LOC112694756: variants seen among roughly 807,000 people sequenced by gnomAD.
the LOC112694756 span, among the ~76,000 whole-genome samples, chr16:30,063,438 C>T: frequency 1.3e-5 from 2 of 152,242 alleles, no homozygotes; most frequent in Non-Finnish European, 1.5e-5. Flanking sequence ...AATTCTAGCA[C>T]GGGACCCAGG....
the LOC112694756 span, chr16:30,068,723 C>A: frequency 1.9e-6 from 3 of 1,614,236 alleles, no homozygotes; most frequent in Admixed American, 5.0e-5. Context: ...TGATTCTCTG[C>A]CCTACGAACC....
the LOC112694756 span, chr16:30,069,647 G>A: frequency 9.9e-6 from 16 of 1,613,554 alleles, no homozygotes; most frequent in African/African-American, 4.0e-5. Context: ...ACAGCGCTGC[G>A]CCGCACAGTG....
chr16:30,058,549 A>G, the LOC112694756 span, among the ~76,000 whole-genome samples: 1 of 149,724 alleles, frequency 6.7e-6, no homozygotes, highest in Non-Finnish European at 1.5e-5. Flanking sequence ...GCAGTGGTGC[A>G]ATCTTGGCTC....
chr16:30,055,192 C>G, the LOC112694756 span: 1 of 399,400 alleles, frequency 2.5e-6, no homozygotes, highest in Middle Eastern at 6.3e-4. Context: ...GCTGCGCGGA[C>G]GGTAGCTCCC....
the LOC112694756 span, chr16:30,069,636 C>G: frequency 6.2e-7 from 1 of 1,613,886 alleles, no homozygotes; most frequent in Non-Finnish European, 8.5e-7. Flanking sequence ...TGGCGACCGT[C>G]ACAGCGCTGC....
chr16:30,068,613 T>G, the LOC112694756 span: 1 of 1,612,520 alleles, frequency 6.2e-7, no homozygotes, highest in East Asian at 2.2e-5. Flanking sequence ...GGTCATTTCC[T>G]GTGTCTTAAT....
chr16:30,063,422 G>A, the LOC112694756 span, among the ~76,000 whole-genome samples: 1 of 152,114 alleles, frequency 6.6e-6, no homozygotes, highest in African/African-American at 2.4e-5. Context: ...GACACCGGGA[G>A]GCCCAAATTC....
At chr16:30,068,994 C>T in the LOC112694756 span, 2 of 1,614,200 alleles carry the variant, frequency 1.2e-6, no homozygotes, top group Non-Finnish European at 1.7e-6. Flanking sequence ...CCTGCAGGTC[C>T]TCAATAGGCA....
At chr16:30,055,378 T>C in the LOC112694756 span, 1 of 398,914 alleles carries the variant, frequency 2.5e-6, no homozygotes, top group Non-Finnish European at 4.4e-6. Context: ...CTAGGTATGA[T>C]CGGTGCATTC....
chr16:30,069,837 C>T, the LOC112694756 span: 10 of 1,614,156 alleles, frequency 6.2e-6, no homozygotes, highest in South Asian at 3.3e-5. Flanking sequence ...CAGGGATCAC[C>T]TTCCTGTCTG....
the LOC112694756 span, chr16:30,069,003 C>T: frequency 6.2e-7 from 1 of 1,614,028 alleles, no homozygotes; most frequent in Non-Finnish European, 8.5e-7. Context: ...CCTCAATAGG[C>T]AACCTCCTAC....
chr16:30,055,440 C>T, the LOC112694756 span: 14 of 398,162 alleles, frequency 3.5e-5, no homozygotes, highest in Non-Finnish European at 4.4e-5. Context: ...AGGCCAGGCA[C>T]GGTTCCAGGG....
chr16:30,069,828 A>G, the LOC112694756 span: 1 of 1,613,988 alleles, frequency 6.2e-7, no homozygotes, highest in Admixed American at 1.7e-5. Context: ...CCTGCTCTAC[A>G]GGGATCACCT....
the LOC112694756 span, among the ~76,000 whole-genome samples, chr16:30,061,931 G>A: frequency 4.0e-5 from 6 of 151,878 alleles, no homozygotes; most frequent in South Asian, 2.1e-4. Flanking sequence ...GGCTGGGCGC[G>A]GTGGCTCACA....
At chr16:30,060,492 C>T in the LOC112694756 span, among the ~76,000 whole-genome samples, 1 of 152,052 alleles carries the variant, frequency 6.6e-6, no homozygotes, top group Admixed American at 6.6e-5. Flanking sequence ...TTGCGGAGTC[C>T]TTGTTTAATG....
the LOC112694756 span, among the ~76,000 whole-genome samples, chr16:30,056,021 G>A: frequency 3.3e-5 from 5 of 151,198 alleles, no homozygotes; most frequent in Admixed American, 3.3e-4. Flanking sequence ...GGCTGGTCTC[G>A]AACTCCTGAC....
At chr16:30,068,588 G>T in the LOC112694756 span, 1 of 1,588,090 alleles carries the variant, frequency 6.3e-7, no homozygotes, top group Admixed American at 1.7e-5. Flanking sequence ...GGGCGACAGT[G>T]GAAAGGGTGC....
chr16:30,065,361 C>T, the LOC112694756 span, among the ~76,000 whole-genome samples: 1 of 152,228 alleles, frequency 6.6e-6, no homozygotes, highest in Non-Finnish European at 1.5e-5. Context: ...GCTGGGGCGG[C>T]CCCGGGCCGC....
At chr16:30,067,662 G>GT in the LOC112694756 span, 1 of 1,614,146 alleles carries the variant, frequency 6.2e-7, no homozygotes, top group Non-Finnish European at 8.5e-7. Flanking sequence ...GGGCATCAAG[G>GT]TAAGGGGAGG....
Sources: gnomAD v4.1 joint callset for allele counts (sites outside exome capture counted in the v4.1 genomes callset) on GRCh38, gnomAD v4.1.1 for gene constraint, MANE v1.5 for transcripts.